The following BPTF variants were observed in gnomAD, a reference collection of about 807,000 sequenced individuals.
BPTF encodes the protein nucleosome-remodeling factor subunit BPTF.
A neutral mutation model predicts 292.5 loss-of-function variants in BPTF; 18 were observed. The observed-to-expected ratio is 0.06, with a 90% CI of 0.04 to 0.09. BPTF has a LOEUF of 0.09. BPTF is among the 10% of genes least tolerant of loss of function. The pLI is 1.00. For missense variants in BPTF, 2,726 were observed against 3,498.7 expected (o/e 0.78, Z 5.57); for synonymous variants, 1,225 against 1,251.9 (o/e 0.98, Z 0.45).
At chr17:67,869,200 C>T (rs185333157) in intron 3 of BPTF, among the ~76,000 whole-genome samples, 12 of 152,126 alleles carry the variant, frequency 7.9e-5, no homozygotes, top group Non-Finnish European at 1.6e-4. Context: ...CAACAGAGAA[C>T]CATCTTTAGT....
At chr17:67,878,262 A>G in intron 4 of BPTF, among the ~76,000 whole-genome samples, 1 of 152,208 alleles carries the variant, frequency 6.6e-6, no homozygotes, top group East Asian at 1.9e-4. Flanking sequence ...ATGATATTCC[A>G]TTATATAGAT....
chr17:67,894,716 A>G (rs1415787217), intron 7 of BPTF, among the ~76,000 whole-genome samples: 1 of 152,190 alleles, frequency 6.6e-6, no homozygotes, highest in Non-Finnish European at 1.5e-5. Flanking sequence ...TTCTAAAGTA[A>G]ATAGCATTTT....
intron 27 of BPTF, among the ~76,000 whole-genome samples, chr17:67,978,887 A>T (rs1555695456): frequency 1.3e-5 from 2 of 152,290 alleles, no homozygotes; most frequent in Admixed American, 1.3e-4. Context: ...GTGTAAGTGT[A>T]CCCTGTTAGC....
At chr17:67,851,718 G>T (rs2058420387) in intron 1 of BPTF, among the ~76,000 whole-genome samples, 1 of 152,036 alleles carries the variant, frequency 6.6e-6, no homozygotes, top group Admixed American at 6.5e-5. Flanking sequence ...CCTTAAACTT[G>T]ACAATCCTGA....
intron 19 of BPTF, among the ~76,000 whole-genome samples, chr17:67,941,487 C>G (rs184064707): frequency 9.1e-4 from 139 of 152,226 alleles, no homozygotes; most frequent in Admixed American, 1.6e-3. Context: ...TAATACTTCA[C>G]TAATTAATAT....
At chr17:67,959,264 C>T (rs1484312303) in intron 23 of BPTF, among the ~76,000 whole-genome samples, 2 of 152,224 alleles carry the variant, frequency 1.3e-5, no homozygotes, top group African/African-American at 2.4e-5. Context: ...CCAGGAGGGA[C>T]GCTCTTCCTA....
chr17:67,866,782 C>T, intron 3 of BPTF, 95 bp downstream of exon 3: 1 of 942,330 alleles, frequency 1.1e-6, no homozygotes, highest in Non-Finnish European at 1.6e-6. Flanking sequence ...TTAAAATTTT[C>T]AAGTACAGTC....
chr17:67,960,833 G>A (rs2067410812), intron 24 of BPTF, among the ~76,000 whole-genome samples: 2 of 152,144 alleles, frequency 1.3e-5, no homozygotes, highest in Non-Finnish European at 1.5e-5. Flanking sequence ...AAGCTGCTTT[G>A]GTGGTGCTAT....
At chr17:67,974,985 A>C (rs1228336940) in intron 26 of BPTF, 1 of 152,226 alleles carries the variant, frequency 6.6e-6, no homozygotes, top group Non-Finnish European at 1.5e-5. Context: ...TCCAATCCTG[A>C]CTAGGTCTTT....
At chr17:67,838,814 T>G (rs1300832719) in intron 1 of BPTF, among the ~76,000 whole-genome samples, 3 of 152,242 alleles carry the variant, frequency 2.0e-5, no homozygotes, top group African/African-American at 7.2e-5. Context: ...TTGGAAGAAG[T>G]ATAATTCATT....
intron 10 of BPTF, 60 bp from the exon 11 acceptor site, chr17:67,910,817 T>A (rs1053851682): frequency 8.3e-7 from 1 of 1,206,492 alleles, no homozygotes; most frequent in African/African-American, 1.6e-5. Flanking sequence ...AAAATATATA[T>A]ATATAAATTC....
At chr17:67,890,738 T>G (rs1288996706) in intron 4 of BPTF, among the ~76,000 whole-genome samples, 1 of 152,224 alleles carries the variant, frequency 6.6e-6, no homozygotes, top group East Asian at 1.9e-4. Context: ...TTTACAAAAT[T>G]GTCTTAATTA....
intron 4 of BPTF, among the ~76,000 whole-genome samples, chr17:67,884,912 G>A (rs2060653408): frequency 6.6e-6 from 1 of 152,100 alleles, no homozygotes; most frequent in Non-Finnish European, 1.5e-5. Context: ...ATTTTTGCCA[G>A]TTGATAACTG....
chr17:67,971,117 C>T (rs1387342993), intron 26 of BPTF, among the ~76,000 whole-genome samples: 2 of 151,384 alleles, frequency 1.3e-5, no homozygotes, highest in Non-Finnish European at 2.9e-5. Flanking sequence ...TGAGATGGAC[C>T]GCCCAGGCTG....
Position 67,920,137 on chromosome 17 carries a change from C to A in BPTF, c.5551C>A (p.Pro1851Thr). The A allele has an allele frequency of 6.2e-7, 1 of 1,610,514 alleles. No individual in the cohort carries two copies. Among genetic ancestry groups the A allele is most frequent in the South Asian group, 1.1e-5 (1 of 90,652 alleles). ...IICPIGVPET[P>T]KETPTPQRKG... The stretch of plus-strand genomic sequence containing the variant: ...TTGTCCCATTGGAGTTCCAGAAACA[C>A]CAAAAGGTAAGAAATAGAATTCTAT... Residue 1851 changes from proline to threonine, a missense_variant, in exon 13 of 28, where the codon CCA (proline) becomes ACA (threonine). By Grantham distance (38) the Pro-to-Thr change is conservative. Coordinates refer to ENST00000306378, the MANE Select transcript of BPTF (RefSeq NM_182641.4).
intron 9 of BPTF, 134 bp from the exon 10 acceptor site, chr17:67,909,448 C>CT (rs78628269): frequency 0.024 from 12,479 of 514,440 alleles, no homozygotes; most frequent in Non-Finnish European, 0.027. Context: ...AGACCTTTGT[C>CT]TTTTTTTTTT....
intron 18 of BPTF, among the ~76,000 whole-genome samples, chr17:67,933,370 G>A (rs1468275294): frequency 1.3e-5 from 2 of 151,988 alleles, no homozygotes; most frequent in Admixed American, 1.3e-4. Context: ...AGGAGTTGGA[G>A]ACCAGTCTGG....
intron 27 of BPTF, among the ~76,000 whole-genome samples, chr17:67,980,155 G>GTAAAA (rs2070165940): frequency 6.6e-6 from 1 of 152,160 alleles, no homozygotes; most frequent in East Asian, 1.9e-4. Flanking sequence ...GACCAGCCTG[G>GTAAAA]CCAACATGGT....
chr17:67,886,492 T>G (rs1372937475), intron 4 of BPTF, among the ~76,000 whole-genome samples: 1 of 152,130 alleles, frequency 6.6e-6, no homozygotes, highest in Non-Finnish European at 1.5e-5. Context: ...TTTCATTTTT[T>G]TTTTAAACAC....
Sources: allele counts gnomAD v4.1 joint callset (sites outside exome capture counted in the v4.1 genomes callset), GRCh38; gene constraint gnomAD v4.1.1; transcripts MANE v1.5; gene names NCBI Gene and HGNC (gene_info 2026-07-23, HGNC 2026-07-21).